Variants in ARHGAP44 observed in about 807,000 individuals in gnomAD.
ARHGAP44 encodes the protein rho GTPase-activating protein 44.
In ARHGAP44, 43 loss-of-function variants were observed where a neutral mutation model predicts 106.8. The ratio of observed to expected loss-of-function variants is 0.40; its 90% CI spans 0.32 to 0.52. The LOEUF is 0.52. ARHGAP44 is among the 20% of genes least tolerant of loss of function. The pLI, the probability that ARHGAP44 is intolerant of heterozygous loss-of-function variation, is 0.48. For synonymous variants in ARHGAP44, 439 were observed against 410.3 expected (o/e 1.07, Z -0.85); for missense variants, 866 against 1,050.5 (o/e 0.82, Z 2.43).
intron 1 of ARHGAP44, among the ~76,000 whole-genome samples, chr17:12,887,865 TG>T (rs1023199874): frequency 7.3e-5 from 11 of 151,012 alleles, no homozygotes; most frequent in South Asian, 2.1e-4. Context: ...CAATCATTTT[TG>T]TTTTTTTTTT....
chr17:12,890,056 C>A (rs2036996067), intron 1 of ARHGAP44, among the ~76,000 whole-genome samples: 1 of 152,174 alleles, frequency 6.6e-6, no homozygotes, highest in African/African-American at 2.4e-5. Context: ...GCAGTTTTCT[C>A]AGGCTGGGGC....
intron 16 of ARHGAP44, 107 bp from the exon 17 acceptor site, chr17:12,973,195 A>C: frequency 8.6e-7 from 1 of 1,167,254 alleles, no homozygotes; most frequent in Non-Finnish European, 1.2e-6. Context: ...ATCCCACCCC[A>C]AGACCCTGGA....
intron 18 of ARHGAP44, among the ~76,000 whole-genome samples, chr17:12,976,330 C>T (rs1026825774): frequency 1.1e-4 from 16 of 151,798 alleles, no homozygotes; most frequent in Non-Finnish European, 1.9e-4. Flanking sequence ...AGTATTTTCA[C>T]GGCCGGGCAC....
At chr17:12,850,013 G>A (rs1350327612) in intron 1 of ARHGAP44, among the ~76,000 whole-genome samples, 1 of 152,114 alleles carries the variant, frequency 6.6e-6, no homozygotes, top group Non-Finnish European at 1.5e-5. Context: ...TCACTTTAAG[G>A]GCAGCAGGTT....
chr17:12,988,094 ACT>A (rs1253446610), intron 20 of ARHGAP44: 1 of 152,270 alleles, frequency 6.6e-6, no homozygotes, highest in East Asian at 1.9e-4. Flanking sequence ...ACAAGCAGCC[ACT>A]GTGTCCCTTT....
chr17:12,928,338 GA>G (rs1177166996), intron 6 of ARHGAP44, among the ~76,000 whole-genome samples: 2 of 152,178 alleles, frequency 1.3e-5, no homozygotes, highest in Non-Finnish European at 2.9e-5. Flanking sequence ...ATAGGCAGGG[GA>G]CTTAAACCAA....
chr17:12,963,467 A>G (rs2039312647), intron 16 of ARHGAP44, among the ~76,000 whole-genome samples: 1 of 151,932 alleles, frequency 6.6e-6, no homozygotes, highest in Admixed American at 6.6e-5. Context: ...GACAGCCAGC[A>G]CAGCTCCAAG....
In ARHGAP44 at chr17:12,902,930, C is replaced by T. The variant is rs370388048; in HGVS notation, c.199-5967C>T. On this transcript the variant is annotated intron_variant, in intron 3 of 20. Coordinates refer to ENST00000379672, the MANE Select transcript of ARHGAP44 (RefSeq NM_014859.6). ...TAACCTGATGCTGTTAGCAGTGGCC[C>T]GCTATTAGACTGGAGTGGCTGTTGA... Among the ~76,000 whole-genome samples the T allele has an allele frequency of 2.6e-5, 4 of 152,078 alleles. No homozygotes were observed. The South Asian group carries it at 6.2e-4, about 24-fold the overall frequency.
At chr17:12,985,501 G>A (rs2039936132) in intron 20 of ARHGAP44, 1 of 152,150 alleles carries the variant, frequency 6.6e-6, no homozygotes, top group African/African-American at 2.4e-5. Context: ...AACCCACAAC[G>A]ACTTAATTTA....
At chr17:12,911,982 T>C (rs960730986) in intron 4 of ARHGAP44, among the ~76,000 whole-genome samples, 2 of 152,230 alleles carry the variant, frequency 1.3e-5, no homozygotes, top group Non-Finnish European at 2.9e-5. Flanking sequence ...CACGTCTTTC[T>C]ACAGATGAAT....
Position 12,915,924 on chromosome 17 carries a change from G to A in ARHGAP44, c.300G>A (p.Glu100=), listed in dbSNP as rs777176944. The A allele has an allele frequency of 6.2e-7, 1 of 1,613,908 alleles. No homozygotes were observed. The highest frequency in any genetic ancestry group is 2.2e-5 in the East Asian group (1 of 44,880). The part of the protein sequence containing the change: ...LLGKMLKLCG[E]TEDKLAQELI... ...GGAAGATGCTGAAACTCTGTGGAGA[G>A]ACGGAGGACAAGCTGGCTCAGGAGC... Residue 100 remains glutamate (E), a synonymous_variant, in exon 5 of 21, where the codon GAG becomes GAA. Coordinates refer to ENST00000379672, the MANE Select transcript of ARHGAP44 (RefSeq NM_014859.6).
chr17:12,842,462 A>G (rs913305746), intron 1 of ARHGAP44, among the ~76,000 whole-genome samples: 1 of 151,518 alleles, frequency 6.6e-6, no homozygotes, highest in African/African-American at 2.4e-5. Context: ...AAAGAAAAAA[A>G]TCATCCCAGG....
At chr17:12,967,024 T>C (rs917766199) in intron 16 of ARHGAP44, among the ~76,000 whole-genome samples, 3 of 151,962 alleles carry the variant, frequency 2.0e-5, no homozygotes, top group African/African-American at 7.3e-5. Context: ...TTTTGGCTTT[T>C]TTTTCTCCTT....
At chr17:12,871,789 C>A (rs79614009) in intron 1 of ARHGAP44, among the ~76,000 whole-genome samples, 1,755 of 152,198 alleles carry the variant, frequency 0.012, 39 homozygotes, top group African/African-American at 0.04. Context: ...CACCTCCCCC[C>A]GTCTCTCTCT....
chr17:12,881,881 A>G (rs995648088), intron 1 of ARHGAP44, among the ~76,000 whole-genome samples: 14 of 152,022 alleles, frequency 9.2e-5, no homozygotes, highest in African/African-American at 2.9e-4. Context: ...TTGTAAGACA[A>G]CGTCTCACTA....
intron 1 of ARHGAP44, among the ~76,000 whole-genome samples, chr17:12,859,548 G>T (rs7216829): frequency 0.61 from 93,151 of 152,062 alleles, 29,242 homozygotes; most frequent in Non-Finnish European, 0.66. Flanking sequence ...TTTGGCGCTG[G>T]GGCCTAAAGA....
chr17:12,959,025 G>T, intron 16 of ARHGAP44, 128 bp downstream of exon 16: 3 of 1,142,712 alleles, frequency 2.6e-6, no homozygotes, highest in Non-Finnish European at 3.8e-6. Context: ...GTGACTCGTA[G>T]CAATTAAACT....
At chr17:12,869,804 T>A (rs2036353908) in intron 1 of ARHGAP44, among the ~76,000 whole-genome samples, 1 of 149,744 alleles carries the variant, frequency 6.7e-6, no homozygotes, top group African/African-American at 2.5e-5. Context: ...TTTTTTTTTT[T>A]ACTATGCATA....
intron 1 of ARHGAP44, among the ~76,000 whole-genome samples, chr17:12,837,738 G>A (rs551818779): frequency 6.6e-6 from 1 of 152,220 alleles, no homozygotes; most frequent in South Asian, 2.1e-4. Context: ...AGGTATCATG[G>A]GGATGTATCA....
Sources: allele counts gnomAD v4.1 joint callset (sites outside exome capture counted in the v4.1 genomes callset), GRCh38; gene constraint gnomAD v4.1.1; transcripts MANE v1.5; gene names NCBI Gene and HGNC (gene_info 2026-07-23, HGNC 2026-07-21).